The following TICRR variants were observed in gnomAD, a reference collection of about 807,000 sequenced individuals.
TICRR encodes the protein TOPBP1 interacting checkpoint and replication regulator.
In TICRR, 132 loss-of-function variants were observed where a neutral mutation model predicts 178.1. The ratio of observed to expected loss-of-function variants is 0.74; its 90% CI spans 0.64 to 0.86. The LOEUF is 0.86. Among genes scored for constraint, TICRR ranks in the 40% least tolerant of loss-of-function variants. The probability of loss-of-function intolerance (pLI) is 0.00; values close to 1 mark genes in which losing one functional copy is unlikely to be tolerated. For missense variants in TICRR, 2,587 were observed against 2,334.3 expected (o/e 1.11, Z -2.23); for synonymous variants, 991 against 900.7 (o/e 1.10, Z -1.79).
chr15:89,584,207 T>C, intron 2 of TICRR, 79 bp from the exon 3 acceptor site: 1 of 1,339,358 alleles, frequency 7.5e-7, no homozygotes, highest in Non-Finnish European at 1.0e-6. Flanking sequence ...CTTTTTAGTA[T>C]CTATTCCTTA....
At chr15:89,599,181 CA>C in intron 7 of TICRR, 142 bp from the exon 8 acceptor site, 1 of 598,020 alleles carries the variant, frequency 1.7e-6, no homozygotes, top group Non-Finnish European at 2.8e-6. Flanking sequence ...CCCCCGCCCC[CA>C]CCACCATCAG....
intron 15 of TICRR, among the ~76,000 whole-genome samples, chr15:89,611,156 C>T (rs1325339703): frequency 6.6e-6 from 1 of 151,974 alleles, no homozygotes. Context: ...TTATTGTCTA[C>T]TACCTTTCAT....
In TICRR at chr15:89,627,028, C is replaced by CCAT. The variant is rs1286274693; in HGVS notation, c.5678_5680dup (p.Ile1893dup). 6 of 1,613,984 alleles carry CCAT rather than the reference C, an allele frequency of 3.7e-6. No individual in the cohort carries two copies. Among genetic ancestry groups the CCAT allele is most frequent in the Non-Finnish European group, 5.1e-6 (6 of 1,180,032 alleles). On this transcript the variant is annotated inframe_insertion, in exon 22 of 22. Coordinates refer to ENST00000268138, the MANE Select transcript of TICRR (RefSeq NM_152259.4). ...AGTCGCGCTTTCTCCAGGAGGCGCC[C>CCAT]CATCAGCAGAACTTATACACGGAAG...
At chr15:89,594,662 G>A in intron 6 of TICRR, 108 bp downstream of exon 6, 3 of 928,516 alleles carry the variant, frequency 3.2e-6, no homozygotes, top group South Asian at 3.5e-5. Flanking sequence ...AAATAAAGAA[G>A]GGCAAATTTT....
rs1319679693 is a variant in TICRR at position 89,585,930 on chromosome 15, A to G, written c.1399A>G (p.Thr467Ala). Reference sequence around the variant, plus strand: ...TCAGACTCATGATTCGCTTGCAGATACTGCTTCTGCTGGTAAGCTCCTAAA... The same window carrying G: ...TCAGACTCATGATTCGCTTGCAGATGCTGCTTCTGCTGGTAAGCTCCTAAA... Reference protein sequence around the residue: ...LNQTHDSLADTASAASPVPEW... With the variant: ...LNQTHDSLADAASAASPVPEW... Residue 467 changes from threonine (T) to alanine (A), a missense_variant, in exon 4 of 22, where the codon ACT becomes GCT. Physicochemically the swap from Thr to Ala is moderately conservative, Grantham distance 58. Coordinates refer to ENST00000268138, the MANE Select transcript of TICRR (RefSeq NM_152259.4). 2 of 1,613,672 alleles carry G rather than the reference A, an allele frequency of 1.2e-6. No homozygotes were observed. Among genetic ancestry groups the G allele is most frequent in the Admixed American group, 1.7e-5 (1 of 60,018 alleles).
intron 16 of TICRR, 110 bp downstream of exon 16, chr15:89,616,605 G>A: frequency 2.4e-6 from 2 of 821,704 alleles, no homozygotes; most frequent in Non-Finnish European, 2.0e-6. Flanking sequence ...TCTTAACTAT[G>A]TTGCTTAAAA....
intron 5 of TICRR, among the ~76,000 whole-genome samples, 178 bp downstream of exon 5, chr15:89,592,354 A>G (rs1221958483): frequency 6.6e-6 from 1 of 152,170 alleles, no homozygotes; most frequent in Non-Finnish European, 1.5e-5. Context: ...GCTAGATAAT[A>G]TGTTAACAAT....
At chr15:89,589,365 C>T (rs1215536240) in intron 4 of TICRR, among the ~76,000 whole-genome samples, 2 of 152,136 alleles carry the variant, frequency 1.3e-5, no homozygotes, top group South Asian at 2.1e-4. Flanking sequence ...CCCATGTCGG[C>T]GTGGAGACTA....
chr15:89,625,278 C>A lies in TICRR; in HGVS notation c.4968C>A (p.Thr1656=). The A allele has an allele frequency of 6.2e-7, 1 of 1,613,966 alleles. No individual in the cohort carries two copies. The highest frequency in any genetic ancestry group is 8.5e-7 in the Non-Finnish European group (1 of 1,179,900). ...ACTPTHGPSS[T]PSPFQTDGVP... ...CCCCCACCCACGGCCCTTCTAGTAC[C>A]CCCTCTCCATTTCAAACAGATGGGG... Residue 1656 remains threonine (T), a synonymous_variant, in exon 20 of 22, where the codon ACC becomes ACA. Transcript: ENST00000268138.
rs186164035 is a variant in TICRR, at chr15:89,580,036, A to G, written c.655-2650A>G. The G allele has an allele frequency of 3.3e-5, 5 of 152,294 alleles. No homozygotes were observed. In the East Asian group the frequency reaches 9.6e-4, roughly 29 times the overall value. The allele number at this position is 152,294 out of a possible 1,614,324, so 9.4% of individuals were successfully genotyped here. A position where few individuals can be genotyped will look rare whatever the true frequency, so the allele number is the denominator to read the frequency against. On this transcript the variant is annotated intron_variant, in intron 1 of 21. Transcript: ENST00000268138. The stretch of plus-strand genomic sequence containing the variant: ...GTTACATCTTCCCACCCACCTCCCG[A>G]GACAGAGTTTCACTCTTTTCACCTA...
At chr15:89,588,774 C>T (rs998002886) in intron 4 of TICRR, among the ~76,000 whole-genome samples, 4 of 152,080 alleles carry the variant, frequency 2.6e-5, no homozygotes, top group Admixed American at 2.0e-4. Flanking sequence ...CTGAGTAGTA[C>T]TGGAGAGACT....
chr15:89,592,228 T>C, intron 5 of TICRR, 52 bp downstream of exon 5: 2 of 1,530,490 alleles, frequency 1.3e-6, no homozygotes, highest in Non-Finnish European at 9.0e-7. Flanking sequence ...CAACGTTCAG[T>C]TATCTGCATT....
In TICRR at chr15:89,624,678, C is replaced by T. The variant is rs757271602; in HGVS notation, c.4368C>T (p.Leu1456=). 6 of 1,613,980 alleles carry T rather than the reference C, an allele frequency of 3.7e-6. No individual in the cohort carries two copies. The Admixed American group carries it at 6.7e-5, about 18-fold the overall frequency. The change falls in exon 20 of 22, where the codon CTC becomes CTT. Residue 1456 remains leucine, a synonymous_variant. Coordinates refer to ENST00000268138, the MANE Select transcript of TICRR (RefSeq NM_152259.4). ...RSDWHASSPL[L]ITSDTEHVTL... is the part of the protein sequence containing the mutation. The stretch of plus-strand genomic sequence containing the variant: ...ATTGGCATGCATCCTCTCCTCTGCT[C>T]ATTACAAGTGACACAGAGCATGTCA...
Position 89,608,941 on chromosome 15 carries a change from A to C in TICRR, c.2861A>C (p.Lys954Thr). 6.3e-7 allele frequency: 1 copy of C among 1,595,378 alleles called. No individual in the cohort carries two copies. Among genetic ancestry groups the C allele is most frequent in the Non-Finnish European group, 8.5e-7 (1 of 1,174,444 alleles). ...GAGGATAAACTTGACAACTTCAAGA[A>C]GAACAAAGGTACCACATTTCAGAAT... is the stretch of plus-strand genomic sequence containing the variant. ...GLEDKLDNFKKNKGYHKLLTK... is the reference protein window; with the variant it reads ...GLEDKLDNFKTNKGYHKLLTK... Residue 954 changes from lysine to threonine, a missense_variant, in exon 15 of 22, where the codon AAG (lysine) becomes ACG (threonine). Physicochemically the swap from Lys to Thr is moderately conservative, Grantham distance 78 (BLOSUM62 -1). Transcript: ENST00000268138.
At chr15:89,595,020 G>A (rs1596044949) in intron 6 of TICRR, among the ~76,000 whole-genome samples, 1 of 152,220 alleles carries the variant, frequency 6.6e-6, no homozygotes, top group East Asian at 1.9e-4. Flanking sequence ...CTGTGTCAGG[G>A]TATGAAAACT....
intron 15 of TICRR, 76 bp from the exon 16 acceptor site, chr15:89,616,329 C>A: frequency 2.4e-6 from 3 of 1,264,768 alleles, no homozygotes; most frequent in Non-Finnish European, 3.4e-6. Flanking sequence ...GAAGTTCAAA[C>A]TGCTCCCTTG....
At chr15:89,599,188 A>AG in intron 7 of TICRR, 136 bp from the exon 8 acceptor site, 2 of 286,234 alleles carry the variant, frequency 7.0e-6, no homozygotes, top group Non-Finnish European at 6.3e-6. Context: ...CCCCACCACC[A>AG]TCAGTCATGA....
intron 14 of TICRR, among the ~76,000 whole-genome samples, chr15:89,608,472 T>C (rs1003450058): frequency 6.6e-6 from 1 of 152,242 alleles, no homozygotes; most frequent in Non-Finnish European, 1.5e-5. Flanking sequence ...GGTCAACTGA[T>C]ATTCAGGGTA....
chr15:89,625,230 A>T lies in TICRR; in HGVS notation c.4920A>T (p.Gln1640His). Reference protein sequence around the residue: ...SHSTPGKSRGQTYICQACTPT... With the variant: ...SHSTPGKSRGHTYICQACTPT... ...GCACACCTGGCAAGAGCAGGGGGCA[A>T]ACCTACATCTGCCAGGCCTGTACCC... The change falls in exon 20 of 22, where the codon CAA (glutamine) becomes CAT (histidine). Residue 1640 changes from glutamine (Q) to histidine (H), a missense_variant. Transcript: ENST00000268138. The T allele has an allele frequency of 6.2e-7, 1 of 1,613,696 alleles. No homozygotes were observed. Among genetic ancestry groups the T allele is most frequent in the Non-Finnish European group, 8.5e-7 (1 of 1,179,816 alleles).
Sources: gnomAD v4.1 joint callset for allele counts (sites outside exome capture counted in the v4.1 genomes callset) on GRCh38, gnomAD v4.1.1 for gene constraint, MANE v1.5 for transcripts, NCBI Gene and HGNC (gene_info 2026-07-23, HGNC 2026-07-21) for gene names.